Variants in MOSPD2 observed in about 807,000 individuals in gnomAD.
MOSPD2 encodes motile sperm domain-containing protein 2.
A neutral mutation model predicts 41.7 loss-of-function variants in MOSPD2; 5 were observed. That is an observed-to-expected ratio of 0.12 (90% CI 0.06 to 0.25). MOSPD2 has a LOEUF of 0.25. Ranked by LOEUF, MOSPD2 falls within the 10% of genes least tolerant of loss-of-function variation. The pLI is 1.00. For missense variants in MOSPD2, 282 were observed against 375.2 expected (o/e 0.75, Z 2.05); for synonymous variants, 115 against 126.9 (o/e 0.91, Z 0.63).
chrX:14,895,737 AG>A (rs1017096941), intron 4 of MOSPD2, among the ~76,000 whole-genome samples: 1 of 112,005 alleles, frequency 8.9e-6, no homozygotes, highest in African/African-American at 3.2e-5. Flanking sequence ...CAGTCGCTAA[AG>A]GTTGCTAAAT....
Position 14,920,856 on chromosome X carries a change from AG to A in MOSPD2, c.*1048del, listed in dbSNP as rs1197681577. On this transcript the variant is annotated 3_prime_UTR_variant, in exon 15 of 15. Transcript: ENST00000380492. ...GACAAGGAAATTTACAAAATACTAG[AG>A]TATCTAGAAGGGTGAAAACAAAAAA... 1 of 750,643 alleles carries A rather than the reference AG, an allele frequency of 1.3e-6. No homozygotes were observed. Among genetic ancestry groups the A allele is most frequent in the East Asian group, 1.5e-4 (1 of 6,597 alleles). 61.9% of individuals were successfully genotyped at this position (750,643 alleles called of 1,213,427 possible).
intron 7 of MOSPD2, among the ~76,000 whole-genome samples, chrX:14,906,780 T>G (rs888499057): frequency 1.8e-4 from 20 of 111,857 alleles, no homozygotes; most frequent in Admixed American, 4.8e-4. Context: ...ATCCTAGCAC[T>G]TTGGGAGGCC....
chrX:14,883,338 A>G (rs900754855), intron 2 of MOSPD2, among the ~76,000 whole-genome samples: 1 of 112,338 alleles, frequency 8.9e-6, no homozygotes, highest in African/African-American at 3.2e-5. Context: ...GTACTCTATC[A>G]TATGAATGTT....
intron 2 of MOSPD2, among the ~76,000 whole-genome samples, chrX:14,881,559 C>G (rs113098809): frequency 0.03 from 3,376 of 111,956 alleles, 100 homozygotes; most frequent in African/African-American, 0.09. Flanking sequence ...CTCCACTCAT[C>G]TTTGCATCTG....
chrX:14,915,874 C>T, intron 12 of MOSPD2, 110 bp downstream of exon 12: 1 of 696,598 alleles, frequency 1.4e-6, no homozygotes, highest in East Asian at 3.4e-5. Context: ...TAGAAATTAG[C>T]AGAGTATCAC....
At chrX:14,896,427 A>T (rs2092563308) in intron 4 of MOSPD2, among the ~76,000 whole-genome samples, 1 of 111,587 alleles carries the variant, frequency 9.0e-6, no homozygotes, top group African/African-American at 3.3e-5. Flanking sequence ...TCCTCAATTC[A>T]GTTTCTAACT....
At chrX:14,875,500 A>G (rs2092518410) in intron 2 of MOSPD2, among the ~76,000 whole-genome samples, 1 of 112,072 alleles carries the variant, frequency 8.9e-6, no homozygotes, top group African/African-American at 3.3e-5. Flanking sequence ...GCACACTCAC[A>G]TAACTGAAGC....
At chrX:14,899,302 C>T (rs2092568416) in intron 5 of MOSPD2, among the ~76,000 whole-genome samples, 1 of 108,032 alleles carries the variant, frequency 9.3e-6, no homozygotes, top group African/African-American at 3.3e-5. Context: ...CACGATTTTA[C>T]GAAGAAGGAT....
intron 11 of MOSPD2, 101 bp from the exon 12 acceptor site, chrX:14,915,561 AAAAAAT>A (rs1173243055): frequency 2.9e-4 from 117 of 400,244 alleles, no homozygotes; most frequent in Middle Eastern, 9.4e-4. Flanking sequence ...ATAAAAATAA[AAAAAAT>A]AAAAATAAAA....
In MOSPD2 at chrX:14,920,434, T is replaced by C; in HGVS notation, c.*625T>C. ...CAGTGTTCCTTAACAGCCTGCCTTT[T>C]ATTAATCTCAGGCTTTTTTATGAAC... On this transcript the variant is annotated 3_prime_UTR_variant, in exon 15 of 15. Coordinates refer to ENST00000380492, the MANE Select transcript of MOSPD2 (RefSeq NM_152581.4). The C allele has an allele frequency of 5.3e-6, 4 of 754,849 alleles. No individual in the cohort carries two copies. The highest frequency in any genetic ancestry group is 6.3e-6 in the Non-Finnish European group (4 of 639,391). The allele number at this position is 754,849 out of a possible 1,213,427, so 62.2% of individuals were successfully genotyped here. A position where few individuals can be genotyped will look rare whatever the true frequency, so the allele number is the denominator to read the frequency against.
intron 2 of MOSPD2, among the ~76,000 whole-genome samples, chrX:14,888,339 G>C (rs1433344493): frequency 9.1e-6 from 1 of 110,339 alleles, no homozygotes; most frequent in African/African-American, 3.3e-5. Context: ...ATTCCCATGT[G>C]TTGTGGGAGA....
intron 13 of MOSPD2, among the ~76,000 whole-genome samples, chrX:14,916,705 C>T (rs897631258): frequency 8.9e-6 from 1 of 112,470 alleles, no homozygotes; most frequent in Non-Finnish European, 1.9e-5. Flanking sequence ...AGTATATCCA[C>T]ACTAAAGTGT....
At chrX:14,904,019 C>G (rs1356144065) in intron 7 of MOSPD2, among the ~76,000 whole-genome samples, 1 of 111,714 alleles carries the variant, frequency 9.0e-6, no homozygotes, top group Non-Finnish European at 1.9e-5. Context: ...AAAAAAACTT[C>G]CCACGAAGAA....
At chrX:14,876,184 A>C (rs897225692) in intron 2 of MOSPD2, among the ~76,000 whole-genome samples, 13 of 112,203 alleles carry the variant, frequency 1.2e-4, no homozygotes, top group Admixed American at 9.4e-4. Flanking sequence ...TGATAATAAA[A>C]GGGGTGTTTT....
chrX:14,921,320 T>TA lies in MOSPD2; in HGVS notation c.*1515dup. On this transcript the variant is annotated 3_prime_UTR_variant, in exon 15 of 15. Transcript: ENST00000380492. ...GTTCCTTCAAAATTGGCCTAGGAAA[T>TA]AAAACCTTAAAAGGACACTGGTGTG... is the stretch of plus-strand genomic sequence containing the variant. The TA allele has an allele frequency of 1.1e-6, 1 of 935,477 alleles. No homozygotes were observed. Among genetic ancestry groups the TA allele is most frequent in the Non-Finnish European group, 1.3e-6 (1 of 754,493 alleles). 77.1% of individuals were successfully genotyped at this position (935,477 alleles called of 1,213,427 possible).
intron 4 of MOSPD2, 107 bp downstream of exon 4, chrX:14,895,501 C>T (rs2092561481): frequency 6.1e-6 from 3 of 493,868 alleles, no homozygotes; most frequent in Non-Finnish European, 1.1e-5. Context: ...TAGCACTCCT[C>T]AGGTCTTCTG....
intron 8 of MOSPD2, among the ~76,000 whole-genome samples, chrX:14,910,593 G>A (rs751884353): frequency 1.8e-5 from 2 of 111,433 alleles, no homozygotes; most frequent in East Asian, 5.6e-4. Context: ...TGTGTGCAGC[G>A]AGAATGCATA....
At chrX:14,878,571 CCATT>C (rs2092525611) in intron 2 of MOSPD2, among the ~76,000 whole-genome samples, 2 of 111,451 alleles carry the variant, frequency 1.8e-5, no homozygotes, top group Admixed American at 1.9e-4. Flanking sequence ...TCAAAATTAC[CCATT>C]CCTTTGTGGT....
In MOSPD2 at chrX:14,918,712, C is replaced by G. The variant is rs1261685821; in HGVS notation, c.1349C>G (p.Pro450Arg). Residue 450 changes from proline to arginine, a missense_variant, in exon 14 of 15, where the codon CCA (proline) becomes CGA (arginine). Physicochemically the swap from Pro to Arg is moderately radical, Grantham distance 103. Coordinates refer to ENST00000380492, the MANE Select transcript of MOSPD2 (RefSeq NM_152581.4). ...TGCCATACTGTTGAAAGCAGTAAAC[C>G]AAACACTCTTACGTTAAAAGACAAT... ...LRCHTVESSKPNTLTLKDNAF... is the reference protein window; with the variant it reads ...LRCHTVESSKRNTLTLKDNAF... 4 of 1,199,397 alleles carry G rather than the reference C, an allele frequency of 3.3e-6. No individual in the cohort carries two copies. The highest frequency in any genetic ancestry group is 4.5e-6 in the Non-Finnish European group (4 of 886,601).
Sources: allele counts gnomAD v4.1 joint callset (sites outside exome capture counted in the v4.1 genomes callset), GRCh38; gene constraint gnomAD v4.1.1; transcripts MANE v1.5; gene names NCBI Gene and HGNC (gene_info 2026-07-23, HGNC 2026-07-21).